The following DYNC2H1 variants were observed in gnomAD, a reference collection of about 807,000 sequenced individuals.
DYNC2H1 encodes cytoplasmic dynein 2 heavy chain 1.
A neutral mutation model predicts 570.0 loss-of-function variants in DYNC2H1; 410 were observed. That is an observed-to-expected ratio of 0.72 (90% CI 0.66 to 0.78). The LOEUF is 0.78. DYNC2H1 is among the 30% of genes least tolerant of loss of function. The pLI, the probability that DYNC2H1 is intolerant of heterozygous loss-of-function variation, is 0.00. For missense variants in DYNC2H1, 4,865 were observed against 5,046.4 expected (o/e 0.96, Z 1.09); for synonymous variants, 1,688 against 1,677.6 (o/e 1.01, Z -0.15).
intron 84 of DYNC2H1, among the ~76,000 whole-genome samples, chr11:103,418,650 C>T (rs1309747519): frequency 2.0e-5 from 3 of 152,104 alleles, no homozygotes; most frequent in Non-Finnish European, 4.4e-5. Context: ...TCCATGTTCT[C>T]GCATTGGAAA....
At chr11:103,294,044 A>T (rs1591536389) in intron 75 of DYNC2H1, among the ~76,000 whole-genome samples, 1 of 152,064 alleles carries the variant, frequency 6.6e-6, no homozygotes, top group East Asian at 1.9e-4. Context: ...ACACCACTGC[A>T]CTCCAGCCTG....
In DYNC2H1 at chr11:103,245,361, T is replaced by C; in HGVS notation, c.10029T>C (p.Asp3343=). 4 of 1,585,816 alleles carry C rather than the reference T, an allele frequency of 2.5e-6. No individual in the cohort carries two copies. The highest frequency in any genetic ancestry group is 3.4e-6 in the Non-Finnish European group (4 of 1,165,648). The change falls in exon 65 of 89, where the codon GAT becomes GAC. Residue 3343 remains aspartate (D), a synonymous_variant. Coordinates refer to ENST00000375735, the MANE Select transcript of DYNC2H1 (RefSeq NM_001377.3). The surrounding 1 kb of genome is among the most constrained non-coding windows in gnomAD (Gnocchi z 4.5). ...EPVLYPLLRR[D]LVAQGPRYVV... ...TTCTTTATCCATTATTGAGACGAGA[T>C]CTGGTTGCTCAAGGTAAATAATTGA...
chr11:103,396,285 C>G (rs1942392223), intron 83 of DYNC2H1, among the ~76,000 whole-genome samples: 1 of 152,150 alleles, frequency 6.6e-6, no homozygotes, highest in African/African-American at 2.4e-5. Flanking sequence ...CAAACTGCAA[C>G]TCAGGAATAG....
rs1859147823 is a variant in DYNC2H1, at chr11:103,129,298, C to T, written c.1953+293C>T. On this transcript the variant is annotated intron_variant, in intron 13 of 88. Coordinates refer to ENST00000375735, the MANE Select transcript of DYNC2H1 (RefSeq NM_001377.3). This position sits in a 1 kb window ranked among gnomAD's most constrained non-coding sequence, Gnocchi z 4.1. ...CTCTGAAGTTTGAGGTCCTTATACA[C>T]AAGCTTCCTTAGACCTTTCCCACCA... Among the ~76,000 whole-genome samples, 3 of 152,200 alleles carry T rather than the reference C, an allele frequency of 2.0e-5. No homozygotes were observed. The highest frequency in any genetic ancestry group is 7.2e-5 in the African/African-American group (3 of 41,446).
At position 103,459,562 on chromosome 11, in the gene DYNC2H1, C is replaced by G. The variant is rs188583954; in HGVS notation, c.12648+3206C>G. Among the ~76,000 whole-genome samples the G allele has an allele frequency of 1.6e-3, 246 of 152,140 alleles. 1 individual carries two copies. Among genetic ancestry groups the G allele is most frequent in the African/African-American group, 5.7e-3 (235 of 41,488 alleles). On this transcript the variant is annotated intron_variant, in intron 87 of 88. Transcript: ENST00000375735. ...GCACTGTAGTAGGTGTTCCTAGCAT[C>G]GGCTACAATGGTATAGTGTGCCAGA...
At chr11:103,152,072 A>C (rs1860575939) in intron 20 of DYNC2H1, 64 bp from the exon 21 acceptor site, 9 of 1,391,038 alleles carry the variant, frequency 6.5e-6, no homozygotes, top group Non-Finnish European at 8.7e-6. Flanking sequence ...AAAATAAATG[A>C]AATCTTAAGA....
intron 75 of DYNC2H1, among the ~76,000 whole-genome samples, chr11:103,293,768 A>T (rs1327136067): frequency 6.6e-6 from 1 of 151,954 alleles, no homozygotes; most frequent in Non-Finnish European, 1.5e-5. Flanking sequence ...AATTATTTGA[A>T]TCTCTTTATT....
rs988093377 is a variant in DYNC2H1, at chr11:103,179,008, G to C, written c.6140-18G>C. 2 of 1,596,216 alleles carry C rather than the reference G, an allele frequency of 1.3e-6. No individual in the cohort carries two copies. Among genetic ancestry groups the C allele is most frequent in the African/African-American group, 2.7e-5 (2 of 74,536 alleles). On this transcript the variant is annotated intron_variant, in intron 38 of 88. Coordinates refer to ENST00000375735, the MANE Select transcript of DYNC2H1 (RefSeq NM_001377.3). ...CATATATTTTTATTTTGTCTCCACT[G>C]TTTTGATTTGAAAATAGATGTCAGC...
rs878854166 is a variant in DYNC2H1 at position 103,170,253 on chromosome 11, T to C, written c.5114T>C (p.Leu1705Pro). ...GAATCAGTAAAGGCTTTAGGTGGAC[T>C]TCTTGGAAGACAAGTTTTAGTCTTT... ...KTESVKALGG[L>P]LGRQVLVFNC... is the part of the protein sequence containing the mutation. The change falls in exon 33 of 89, where the codon CTT becomes CCT. Residue 1705 changes from leucine (L) to proline (P), a missense_variant. Physicochemically the swap from Leu to Pro is moderately conservative, Grantham distance 98. Coordinates refer to ENST00000375735, the MANE Select transcript of DYNC2H1 (RefSeq NM_001377.3). This position sits in a 1 kb window ranked among gnomAD's most constrained non-coding sequence, Gnocchi z 4.8. The C allele has an allele frequency of 2.5e-6, 4 of 1,606,128 alleles. No individual in the cohort carries two copies. The highest frequency in any genetic ancestry group is 2.7e-5 in the African/African-American group (2 of 74,676).
chr11:103,338,283 T>C (rs1169933510), intron 82 of DYNC2H1, among the ~76,000 whole-genome samples: 2 of 150,700 alleles, frequency 1.3e-5, no homozygotes, highest in Non-Finnish European at 3.0e-5. Flanking sequence ...AGGTTTCTAG[T>C]ATACTTTGGA....
At chr11:103,155,639 A>G in intron 25 of DYNC2H1, 138 bp downstream of exon 25, 1 of 838,836 alleles carries the variant, frequency 1.2e-6, no homozygotes, top group South Asian at 2.5e-5. Flanking sequence ...AACACAAATC[A>G]TTTTACATAA....
intron 82 of DYNC2H1, among the ~76,000 whole-genome samples, chr11:103,332,901 G>A (rs1177603392): frequency 6.6e-6 from 1 of 151,984 alleles, no homozygotes; most frequent in Non-Finnish European, 1.5e-5. Context: ...TGCTCAGGAG[G>A]CTGAGGCAGG....
intron 20 of DYNC2H1, 91 bp from the exon 21 acceptor site, chr11:103,152,045 G>A (rs1591322913): frequency 1.6e-6 from 2 of 1,283,450 alleles, no homozygotes; most frequent in East Asian, 5.2e-5. Context: ...AAAAAATAAA[G>A]TTATGAAACA....
At chr11:103,284,815 C>A (rs961109841) in intron 73 of DYNC2H1, among the ~76,000 whole-genome samples, 1 of 152,056 alleles carries the variant, frequency 6.6e-6, no homozygotes, top group Admixed American at 6.6e-5. Context: ...AGATATAGAT[C>A]TTCTAAATTT....
intron 84 of DYNC2H1, among the ~76,000 whole-genome samples, chr11:103,414,011 T>C (rs1943187988): frequency 6.6e-6 from 1 of 151,920 alleles, no homozygotes; most frequent in Admixed American, 6.6e-5. Flanking sequence ...AAAAGAAGTT[T>C]TATCATTATT....
chr11:103,451,549 T>G (rs1228493914), intron 85 of DYNC2H1, among the ~76,000 whole-genome samples: 1 of 152,072 alleles, frequency 6.6e-6, no homozygotes, highest in African/African-American at 2.4e-5. Flanking sequence ...GCCAGGATGG[T>G]CTCGATCTCT....
chr11:103,398,453 T>C (rs913127164), intron 83 of DYNC2H1, among the ~76,000 whole-genome samples: 1 of 152,198 alleles, frequency 6.6e-6, no homozygotes, highest in Non-Finnish European at 1.5e-5. Flanking sequence ...GCTAATAAAA[T>C]TTACTTAATG....
rs900485721 is a variant in DYNC2H1, at chr11:103,199,905, G to T, written c.8089-141G>T. The stretch of plus-strand genomic sequence containing the variant: ...TTTCCAAATTATGTGGCTAAAGTTT[G>T]ATTTTTAATTATTAAAATGGAAATA... On this transcript the variant is annotated intron_variant, in intron 49 of 88. Transcript: ENST00000375735. The surrounding 1 kb of genome is among the most constrained non-coding windows in gnomAD (Gnocchi z 4.6). 1.6e-6 allele frequency: 1 copy of T among 619,298 alleles called. No individual in the cohort carries two copies. Among genetic ancestry groups the T allele is most frequent in the South Asian group, 2.6e-5 (1 of 38,740 alleles). 38.4% of individuals were successfully genotyped at this position (619,298 alleles called of 1,614,324 possible). A position where few individuals can be genotyped will look rare whatever the true frequency, so the allele number is the denominator to read the frequency against.
intron 82 of DYNC2H1, among the ~76,000 whole-genome samples, chr11:103,355,534 A>G (rs1005766272): frequency 6.6e-6 from 1 of 152,198 alleles, no homozygotes; most frequent in Admixed American, 6.6e-5. Context: ...GGGGTGCTTC[A>G]TGATATCCAA....
Sources: allele counts gnomAD v4.1 joint callset (sites outside exome capture counted in the v4.1 genomes callset), GRCh38; gene constraint gnomAD v4.1.1; non-coding constraint Gnocchi (gnomAD v3.1); transcripts MANE v1.5; gene names NCBI Gene and HGNC (gene_info 2026-07-23, HGNC 2026-07-21).